Variants in PLCB4 observed in about 807,000 individuals in gnomAD.
The protein encoded by PLCB4 is phospholipase C beta 4.
A neutral mutation model predicts 178.8 loss-of-function variants in PLCB4; 77 were observed. The observed-to-expected ratio is 0.43, with a 90% CI of 0.36 to 0.52. The LOEUF is 0.52. PLCB4 is among the 20% of genes least tolerant of loss of function. The probability of loss-of-function intolerance (pLI) is 0.00; values close to 1 mark genes in which losing one functional copy is unlikely to be tolerated. For missense variants in PLCB4, 1,024 were observed against 1,453.4 expected, an observed-to-expected ratio of 0.70 and a Z score of 4.80; for synonymous variants, 496 against 490.8, an observed-to-expected ratio of 1.01 and a Z score of -0.14.
At chr20:9,154,555 T>C (rs140611404) in intron 2 of PLCB4, among the ~76,000 whole-genome samples, 1 of 152,282 alleles carries the variant, frequency 6.6e-6, no homozygotes, top group East Asian at 1.9e-4. Flanking sequence ...AGCTCCTAAA[T>C]CTGCTTCACT....
At chr20:9,221,540 C>G (rs1387141574) in intron 3 of PLCB4, among the ~76,000 whole-genome samples, 1 of 152,206 alleles carries the variant, frequency 6.6e-6, no homozygotes, top group African/African-American at 2.4e-5. Context: ...TTGCCTCACT[C>G]CTGCGGGCAC....
intron 7 of PLCB4, among the ~76,000 whole-genome samples, chr20:9,360,638 G>T: frequency 6.6e-6 from 1 of 152,124 alleles, no homozygotes; most frequent in East Asian, 1.9e-4. Flanking sequence ...GGTTTGTTAG[G>T]TCAATAACAG....
chr20:9,407,795 GA>G lies in PLCB4; in HGVS notation c.1648-117del, dbSNP rs1241552930. 1.4e-5 allele frequency: 11 copies of G among 762,484 alleles called. No homozygotes were observed. In the East Asian group the frequency reaches 2.4e-4, roughly 17 times the overall value. 47.2% of individuals were successfully genotyped at this position (762,484 alleles called of 1,614,324 possible). A position where few individuals can be genotyped will look rare whatever the true frequency, so the allele number is the denominator to read the frequency against. ...AGTATCCTTTAGCATAATTGAGGAA[GA>G]AAAAGCCTTTACCTTTCAATTTGTG... is the stretch of plus-strand genomic sequence containing the variant. On this transcript the variant is annotated intron_variant, in intron 21 of 39. Transcript: ENST00000378473.
chr20:9,300,703 T>A (rs1273382510), intron 3 of PLCB4, among the ~76,000 whole-genome samples: 1 of 152,142 alleles, frequency 6.6e-6, no homozygotes. Flanking sequence ...TTTCTCTCTG[T>A]CTTCCTCTGA....
intron 15 of PLCB4, among the ~76,000 whole-genome samples, chr20:9,388,445 G>T (rs1043843517): frequency 2.0e-5 from 3 of 152,146 alleles, no homozygotes; most frequent in African/African-American, 7.2e-5. Flanking sequence ...GCTGCTGGGC[G>T]TGGTGGCTCA....
At chr20:9,382,954 C>T (rs941029648) in intron 13 of PLCB4, among the ~76,000 whole-genome samples, 4 of 152,126 alleles carry the variant, frequency 2.6e-5, no homozygotes, top group African/African-American at 9.7e-5. Context: ...TTAGAAATGA[C>T]CTAACTATCC....
chr20:9,393,363 A>T (rs1215756358), intron 17 of PLCB4, among the ~76,000 whole-genome samples: 2 of 152,114 alleles, frequency 1.3e-5, no homozygotes, highest in African/African-American at 4.8e-5. Context: ...AGCTCTGCAC[A>T]CCTCTGGAAA....
intron 2 of PLCB4, among the ~76,000 whole-genome samples, chr20:9,203,028 A>G (rs1160226821): frequency 7.2e-6 from 1 of 139,006 alleles, no homozygotes; most frequent in East Asian, 2.0e-4. Context: ...ATGGTTGACC[A>G]GTTGTCTTTG....
intron 3 of PLCB4, among the ~76,000 whole-genome samples, chr20:9,278,791 C>T (rs1021919286): frequency 1.3e-5 from 2 of 152,036 alleles, no homozygotes; most frequent in African/African-American, 2.4e-5. Context: ...ATAGAATGGA[C>T]GTGGTCCATA....
intron 1 of PLCB4, among the ~76,000 whole-genome samples, chr20:9,087,550 G>T (rs1177279599): frequency 3.3e-5 from 5 of 152,124 alleles, no homozygotes; most frequent in Admixed American, 3.3e-4. Flanking sequence ...CATCCAGTTT[G>T]TAGCTTCTCC....
chr20:9,433,261 C>T (rs2041551581), intron 28 of PLCB4, among the ~76,000 whole-genome samples: 1 of 152,142 alleles, frequency 6.6e-6, no homozygotes, highest in African/African-American at 2.4e-5. Context: ...AAAGTCACAG[C>T]ACCTCCTAGA....
chr20:9,359,610 G>C (rs545261707), intron 7 of PLCB4, among the ~76,000 whole-genome samples: 1 of 152,202 alleles, frequency 6.6e-6, no homozygotes, highest in Non-Finnish European at 1.5e-5. Flanking sequence ...CTCAGGCTTC[G>C]GCTTGGGGTG....
At chr20:9,413,887 A>G (rs1286784844) in intron 25 of PLCB4, among the ~76,000 whole-genome samples, 7 of 151,962 alleles carry the variant, frequency 4.6e-5, no homozygotes. Context: ...CCACCCCTCA[A>G]ATAGCTAGGG....
chr20:9,409,252 T>A (rs975170544), intron 24 of PLCB4, 71 bp downstream of exon 24: 33 of 1,326,198 alleles, frequency 2.5e-5, no homozygotes, highest in Non-Finnish European at 2.9e-5. Context: ...GCACTTCCCA[T>A]CAGTTGGCTG....
intron 4 of PLCB4, among the ~76,000 whole-genome samples, chr20:9,330,302 T>C (rs1291577318): frequency 6.6e-6 from 1 of 152,198 alleles, no homozygotes; most frequent in African/African-American, 2.4e-5. Context: ...TGAGATCCTT[T>C]ATGGCCTCTT....
chr20:9,439,045 G>A (rs1437198396), intron 30 of PLCB4, among the ~76,000 whole-genome samples: 1 of 152,238 alleles, frequency 6.6e-6, no homozygotes, highest in Non-Finnish European at 1.5e-5. Context: ...GTGAATAGAA[G>A]TTTCAGGATA....
chr20:9,109,632 T>C (rs1350873363), intron 2 of PLCB4, among the ~76,000 whole-genome samples: 1 of 152,300 alleles, frequency 6.6e-6, no homozygotes, highest in East Asian at 1.9e-4. Context: ...GGATTTTTGT[T>C]TTCTGATATC....
At chr20:9,092,746 A>G (rs1188585681) in intron 1 of PLCB4, among the ~76,000 whole-genome samples, 2 of 152,012 alleles carry the variant, frequency 1.3e-5, no homozygotes, top group Admixed American at 1.3e-4. Flanking sequence ...ATCATTTAGC[A>G]TTTATTTGTC....
chr20:9,224,600 C>T (rs2093840828), intron 3 of PLCB4, among the ~76,000 whole-genome samples: 1 of 152,176 alleles, frequency 6.6e-6, no homozygotes, highest in African/African-American at 2.4e-5. Flanking sequence ...CTTACCTTTT[C>T]CACCTAAGGA....
Sources: allele counts gnomAD v4.1 joint callset (sites outside exome capture counted in the v4.1 genomes callset), GRCh38; gene constraint gnomAD v4.1.1; transcripts MANE v1.5; gene names NCBI Gene and HGNC (gene_info 2026-07-23, HGNC 2026-07-21).